SAMD3: variants seen among roughly 807,000 people sequenced by gnomAD.
The protein encoded by SAMD3 is sterile alpha motif domain containing 3, also known as sterile alpha motif domain-containing protein 3.
A neutral mutation model predicts 58.5 loss-of-function variants in SAMD3; 63 were observed. The observed-to-expected ratio is 1.08, with a 90% CI of 0.88 to 1.33. The LOEUF (loss-of-function observed/expected upper bound fraction) is 1.33, where lower values mean the gene tolerates loss of function less well. SAMD3 is among the 40% of genes most tolerant of loss of function. The pLI, the probability that SAMD3 is intolerant of heterozygous loss-of-function variation, is 0.00. For synonymous variants in SAMD3, 220 were observed against 210.3 expected, an observed-to-expected ratio of 1.05 and a Z score of -0.40; for missense variants, 604 against 608.4, an observed-to-expected ratio of 0.99 and a Z score of 0.08.
intron 9 of SAMD3, among the ~76,000 whole-genome samples, chr6:130,154,007 T>C (rs976015564): frequency 1.3e-5 from 2 of 152,092 alleles, no homozygotes; most frequent in Admixed American, 6.6e-5. Context: ...AGGACACTTA[T>C]GAAATTATTT....
intron 8 of SAMD3, among the ~76,000 whole-genome samples, chr6:130,172,095 ATG>A (rs2114654777): frequency 6.6e-6 from 1 of 152,232 alleles, no homozygotes; most frequent in East Asian, 1.9e-4. Context: ...TTTTGAGCCT[ATG>A]TGTGTCTTTG....
chr6:130,160,552 G>C (rs1380120702), intron 8 of SAMD3: 1 of 152,146 alleles, frequency 6.6e-6, no homozygotes, highest in Non-Finnish European at 1.5e-5. Flanking sequence ...AGACAGGAAG[G>C]GCAGAGCATG....
intron 1 of SAMD3, among the ~76,000 whole-genome samples, chr6:130,327,247 T>G (rs185606775): frequency 6.6e-6 from 1 of 152,078 alleles, no homozygotes; most frequent in Non-Finnish European, 1.5e-5. Flanking sequence ...ATGAAACACA[T>G]CAGTCAAAAT....
intron 1 of SAMD3, among the ~76,000 whole-genome samples, chr6:130,336,601 T>A (rs1777108141): frequency 6.6e-6 from 1 of 152,210 alleles, no homozygotes; most frequent in Non-Finnish European, 1.5e-5. Context: ...TTCATATGAG[T>A]AATGGCAGAG....
chr6:130,167,855 CATA>C (rs1790864039), intron 8 of SAMD3, among the ~76,000 whole-genome samples: 1 of 152,280 alleles, frequency 6.6e-6, no homozygotes, highest in South Asian at 2.1e-4. Flanking sequence ...GGTCTGGGAA[CATA>C]ATGTGGGATT....
chr6:130,333,627 C>G (rs533975021), intron 1 of SAMD3, among the ~76,000 whole-genome samples: 3 of 152,118 alleles, frequency 2.0e-5, no homozygotes, highest in Admixed American at 2.0e-4. Flanking sequence ...TAAAATTAAA[C>G]CTTGAAGAAG....
chr6:130,180,859 C>G (rs1489914057), intron 7 of SAMD3, among the ~76,000 whole-genome samples: 1 of 152,116 alleles, frequency 6.6e-6, no homozygotes, highest in Non-Finnish European at 1.5e-5. Context: ...TGAGAAAATC[C>G]ATGTTGTTAG....
intron 8 of SAMD3, among the ~76,000 whole-genome samples, chr6:130,165,898 G>A (rs1427009692): frequency 6.6e-6 from 1 of 152,152 alleles, no homozygotes; most frequent in Non-Finnish European, 1.5e-5. Flanking sequence ...CCCAAGGAAA[G>A]GATGAACATC....
intron 3 of SAMD3, 104 bp downstream of exon 3, chr6:130,215,091 A>T (rs1795913842): frequency 6.5e-6 from 4 of 618,588 alleles, no homozygotes; most frequent in Non-Finnish European, 1.2e-5. Flanking sequence ...ATCCACATTG[A>T]CATGCACACA....
intron 2 of SAMD3, among the ~76,000 whole-genome samples, chr6:130,234,225 T>C (rs1252983290): frequency 6.6e-6 from 1 of 152,196 alleles, no homozygotes; most frequent in Non-Finnish European, 1.5e-5. Flanking sequence ...TAATTATTTC[T>C]TCATATGGTC....
exon 1 of SAMD3, chr6:130,365,328 T>TC (rs1376055633): frequency 5.1e-6 from 5 of 985,210 alleles, no homozygotes; most frequent in Admixed American, 6.2e-5. Context: ...GTCTTCCATT[T>TC]CCCCCGCCCA....
chr6:130,181,623 C>A (rs1792338307), intron 7 of SAMD3, among the ~76,000 whole-genome samples: 1 of 152,088 alleles, frequency 6.6e-6, no homozygotes, highest in Non-Finnish European at 1.5e-5. Flanking sequence ...ACTTTGATAA[C>A]CATCAAACTA....
At chr6:130,329,064 C>T (rs1326642967) in intron 1 of SAMD3, among the ~76,000 whole-genome samples, 1 of 151,634 alleles carries the variant, frequency 6.6e-6, no homozygotes, top group Non-Finnish European at 1.5e-5. Context: ...CTCTCTCTCT[C>T]TTATCTATCA....
chr6:130,234,564 C>G (rs1796631013), intron 2 of SAMD3, among the ~76,000 whole-genome samples: 1 of 152,022 alleles, frequency 6.6e-6, no homozygotes, highest in Non-Finnish European at 1.5e-5. Context: ...ATGGACATTT[C>G]CATCATCCCA....
chr6:130,214,542 A>AC lies in SAMD3; in HGVS notation c.80-17_80-16insG. 1 of 1,564,170 alleles carries AC rather than the reference A, an allele frequency of 6.4e-7. No homozygotes were observed. On this transcript the variant is annotated splice_polypyrimidine_tract_variant and intron_variant, in intron 3 of 11. Coordinates refer to ENST00000439090, the MANE Select transcript of SAMD3 (RefSeq NM_001017373.4). ...ACTTCTTCCTCTGGGAAAAAGAAAA[A>AC]AAATTAGTTTCTACATGACTTTCCG...
chr6:130,194,659 C>T (rs1356070197), intron 5 of SAMD3, among the ~76,000 whole-genome samples: 5 of 152,162 alleles, frequency 3.3e-5, no homozygotes, highest in African/African-American at 4.8e-5. Context: ...TGCTCACAGC[C>T]CAGAATTCCT....
At chr6:130,332,620 G>A (rs1776968486) in intron 1 of SAMD3, among the ~76,000 whole-genome samples, 1 of 152,184 alleles carries the variant, frequency 6.6e-6, no homozygotes, top group South Asian at 2.1e-4. Context: ...TGACAATATG[G>A]GGGAATTTTG....
At chr6:130,285,001 A>C (rs906004854) in intron 2 of SAMD3, among the ~76,000 whole-genome samples, 2 of 152,216 alleles carry the variant, frequency 1.3e-5, no homozygotes, top group Non-Finnish European at 2.9e-5. Flanking sequence ...CAAAGAGTAG[A>C]AACAACTGTC....
At chr6:130,344,664 C>T (rs1002646135) in intron 1 of SAMD3, among the ~76,000 whole-genome samples, 1 of 151,978 alleles carries the variant, frequency 6.6e-6, no homozygotes, top group African/African-American at 2.4e-5. Flanking sequence ...GCTGAGATTA[C>T]TGGCGTGAGC....
Sources: gnomAD v4.1 joint callset for allele counts (sites outside exome capture counted in the v4.1 genomes callset) on GRCh38, gnomAD v4.1.1 for gene constraint, MANE v1.5 for transcripts, NCBI Gene and HGNC (gene_info 2026-07-23, HGNC 2026-07-21) for gene names.